Variants in PLXNA4 observed in about 807,000 individuals in gnomAD.
PLXNA4 encodes plexin A4.
A neutral mutation model predicts 191.8 loss-of-function variants in PLXNA4; 44 were observed. The ratio of observed to expected loss-of-function variants is 0.23; its 90% CI spans 0.18 to 0.29. The LOEUF (loss-of-function observed/expected upper bound fraction) is 0.29, where lower values mean the gene tolerates loss of function less well. Ranked by LOEUF, PLXNA4 falls within the 10% of genes least tolerant of loss-of-function variation. The pLI is 1.00. For synonymous variants in PLXNA4, 1,082 were observed against 1,009.5 expected (o/e 1.07, Z -1.36); for missense variants, 1,800 against 2,488.8 (o/e 0.72, Z 5.89).
intron 3 of PLXNA4, among the ~76,000 whole-genome samples, chr7:132,308,578 C>T (rs983254448): frequency 7.2e-5 from 11 of 152,150 alleles, no homozygotes; most frequent in African/African-American, 2.7e-4. Context: ...GCACTGGCAG[C>T]GCAGGATTTT....
intron 2 of PLXNA4, among the ~76,000 whole-genome samples, chr7:132,616,965 A>G (rs1401507291): frequency 1.3e-5 from 2 of 152,168 alleles, no homozygotes; most frequent in Non-Finnish European, 2.9e-5. Context: ...CGGAGCATCA[A>G]GAACTTCCCA....
intron 2 of PLXNA4, among the ~76,000 whole-genome samples, chr7:132,598,332 A>G (rs1802755811): frequency 6.6e-6 from 1 of 152,020 alleles, no homozygotes; most frequent in Admixed American, 6.6e-5. Context: ...GCTGGTCTCA[A>G]ACTCCTGAAC....
chr7:132,403,827 G>C (rs1298797317), intron 3 of PLXNA4, among the ~76,000 whole-genome samples: 1 of 152,168 alleles, frequency 6.6e-6, no homozygotes, highest in Non-Finnish European at 1.5e-5. Flanking sequence ...GAGGGAGAAA[G>C]TGGCCATCTG....
At chr7:132,365,997 A>G (rs898831275) in intron 3 of PLXNA4, 2 of 152,172 alleles carry the variant, frequency 1.3e-5, no homozygotes, top group African/African-American at 4.8e-5. Flanking sequence ...AGGACTGTCT[A>G]GTTACAGGGA....
intron 3 of PLXNA4, among the ~76,000 whole-genome samples, chr7:132,449,784 C>G (rs1464859712): frequency 6.6e-6 from 1 of 152,218 alleles, no homozygotes; most frequent in Non-Finnish European, 1.5e-5. Flanking sequence ...GCCCATCCTC[C>G]CCAACCTAGT....
intron 4 of PLXNA4, among the ~76,000 whole-genome samples, chr7:132,251,463 G>A (rs886859226): frequency 3.9e-5 from 6 of 152,124 alleles, no homozygotes; most frequent in Non-Finnish European, 8.8e-5. Context: ...AGGCAGCGGA[G>A]CCAAGCTAGT....
intron 1 of PLXNA4, among the ~76,000 whole-genome samples, chr7:132,536,313 T>A (rs1055125376): frequency 6.6e-6 from 1 of 152,182 alleles, no homozygotes; most frequent in East Asian, 1.9e-4. Flanking sequence ...AAGTGACTAA[T>A]TTTTATCCTT....
chr7:132,521,177 TGAAA>T (rs1799164141), intron 1 of PLXNA4, among the ~76,000 whole-genome samples: 1 of 115,658 alleles, frequency 8.6e-6, no homozygotes, highest in Non-Finnish European at 1.8e-5. Context: ...ATTTGCTCCT[TGAAA>T]AAAAAAAAAA....
At chr7:132,354,186 C>CGTGTGTGT (rs59554805) in intron 3 of PLXNA4, among the ~76,000 whole-genome samples, 4 of 132,568 alleles carry the variant, frequency 3.0e-5, no homozygotes, top group African/African-American at 9.1e-5. Context: ...ACAGTGTGTG[C>CGTGTGTGT]GTGTGTGTGT....
In PLXNA4 at chr7:132,385,902, C is replaced by A. The variant is rs138247152; in HGVS notation, c.1372-87680G>T. 1.1e-3 allele frequency among the ~76,000 whole-genome samples: 171 copies of A among 152,322 alleles called. 1 individual carries two copies. The highest frequency in any genetic ancestry group is 1.8e-3 in the Non-Finnish European group (121 of 68,022). Reference sequence around the variant, plus strand: ...TCTATCCACTCAATTAAATCTGAACCTAGCTGGAATCACATCGTTTTTGAA... The same window carrying A: ...TCTATCCACTCAATTAAATCTGAACATAGCTGGAATCACATCGTTTTTGAA... On this transcript the variant is annotated intron_variant, in intron 3 of 31. Transcript: ENST00000321063.
intron 3 of PLXNA4, among the ~76,000 whole-genome samples, chr7:132,377,784 G>A (rs1456057238): frequency 6.6e-6 from 1 of 152,140 alleles, no homozygotes; most frequent in Non-Finnish European, 1.5e-5. Flanking sequence ...TATGGCCAGG[G>A]GTAACGAGTG....
chr7:132,463,885 C>G (rs1796605032), intron 3 of PLXNA4, among the ~76,000 whole-genome samples: 1 of 152,210 alleles, frequency 6.6e-6, no homozygotes, highest in Non-Finnish European at 1.5e-5. Context: ...ACCCCAACTT[C>G]CTTCCTTCAT....
intron 3 of PLXNA4, among the ~76,000 whole-genome samples, chr7:132,482,506 A>G (rs1467934880): frequency 1.3e-5 from 2 of 152,134 alleles, no homozygotes; most frequent in African/African-American, 4.8e-5. Flanking sequence ...AGCCAATACC[A>G]TGACCCTAAG....
intron 25 of PLXNA4, among the ~76,000 whole-genome samples, chr7:132,158,298 T>A (rs1435584934): frequency 6.6e-6 from 1 of 152,190 alleles, no homozygotes; most frequent in Non-Finnish European, 1.5e-5. Context: ...TCCCTCTGGA[T>A]TCTAGAAAAT....
intron 30 of PLXNA4, among the ~76,000 whole-genome samples, chr7:132,138,456 C>T (rs146873071): frequency 2.6e-5 from 4 of 152,184 alleles, no homozygotes; most frequent in African/African-American, 9.7e-5. Context: ...GGGAGCCAGG[C>T]AAGCTCGGAG....
chr7:132,431,045 A>G (rs984947586), intron 3 of PLXNA4, among the ~76,000 whole-genome samples: 3 of 152,138 alleles, frequency 2.0e-5, no homozygotes, highest in African/African-American at 7.2e-5. Context: ...CTCCCTGTAA[A>G]TGATCAGTCC....
At position 132,152,930 on chromosome 7, in the gene PLXNA4, G is replaced by A. The variant is rs1009270891; in HGVS notation, c.4661-4284C>T. 3.9e-5 allele frequency among the ~76,000 whole-genome samples: 6 copies of A among 152,346 alleles called. No homozygotes were observed. In the East Asian group the frequency reaches 9.6e-4, roughly 24 times the overall value. On this transcript the variant is annotated intron_variant, in intron 25 of 31. Transcript: ENST00000321063. ...GGTCCAGGAGGTGTTGCAGCTCCAC[G>A]CTCACTCATTCATCAAAGAACACTT...
intron 30 of PLXNA4, among the ~76,000 whole-genome samples, chr7:132,135,814 A>G (rs562312042): frequency 6.6e-6 from 1 of 152,226 alleles, no homozygotes; most frequent in East Asian, 1.9e-4. Context: ...CTCTCAGGTC[A>G]GGTCCTTGCT....
intron 17 of PLXNA4, among the ~76,000 whole-genome samples, chr7:132,181,832 G>T (rs1466109645): frequency 6.6e-6 from 1 of 152,218 alleles, no homozygotes; most frequent in Non-Finnish European, 1.5e-5. Flanking sequence ...TGTGGCAATG[G>T]CTAGGATTGG....
Sources: allele counts gnomAD v4.1 joint callset (sites outside exome capture counted in the v4.1 genomes callset), GRCh38; gene constraint gnomAD v4.1.1; transcripts MANE v1.5; gene names NCBI Gene and HGNC (gene_info 2026-07-23, HGNC 2026-07-21).